Variants in NCKAP5 observed in about 807,000 individuals in gnomAD.
NCKAP5 encodes the protein NCK associated protein 5, also known as nck-associated protein 5.
NCKAP5 carries 92 observed loss-of-function variants against 167.0 expected under a neutral mutation model. The ratio of observed to expected loss-of-function variants is 0.55; its 90% CI spans 0.47 to 0.66. The LOEUF is 0.66. NCKAP5 is among the 30% of genes least tolerant of loss of function. NCKAP5 has a pLI of 0.00. For synonymous variants in NCKAP5, 891 were observed against 877.4 expected, an observed-to-expected ratio of 1.02 and a Z score of -0.27; for missense variants, 2,378 against 2,315.0, an observed-to-expected ratio of 1.03 and a Z score of -0.56.
At chr2:133,664,232 C>A in the NCKAP5 span, among the ~76,000 whole-genome samples, 2 of 152,002 alleles carry the variant, frequency 1.3e-5, no homozygotes, top group Admixed American at 6.6e-5. Context: ...TAAACAGATA[C>A]ACTGTCATTC....
chr2:133,620,272 C>T, the NCKAP5 span, among the ~76,000 whole-genome samples: 2 of 151,988 alleles, frequency 1.3e-5, no homozygotes, highest in Non-Finnish European at 2.9e-5. Flanking sequence ...CTAAATGCTC[C>T]ACTTAAAAGA....
intron 5 of NCKAP5, among the ~76,000 whole-genome samples, chr2:133,205,842 C>A (rs1326742475): frequency 6.6e-6 from 1 of 151,760 alleles, no homozygotes; most frequent in Non-Finnish European, 1.5e-5. Context: ...TCCTATATGC[C>A]TTTTTTACTA....
intron 11 of NCKAP5, among the ~76,000 whole-genome samples, chr2:132,826,780 A>T (rs1014402152): frequency 6.6e-6 from 1 of 152,166 alleles, no homozygotes; most frequent in Non-Finnish European, 1.5e-5. Flanking sequence ...AAAATAGGAC[A>T]TCCTGGGTTT....
At chr2:132,864,748 T>A (rs1312249748) in intron 10 of NCKAP5, among the ~76,000 whole-genome samples, 1 of 152,202 alleles carries the variant, frequency 6.6e-6, no homozygotes, top group Admixed American at 6.5e-5. Context: ...CATTGAAAAC[T>A]ATTTAAATCT....
intron 4 of NCKAP5, among the ~76,000 whole-genome samples, chr2:133,231,535 C>T (rs1354372923): frequency 6.6e-6 from 1 of 152,166 alleles, no homozygotes; most frequent in African/African-American, 2.4e-5. Flanking sequence ...AGATATAACA[C>T]AGACAGCAAG....
chr2:133,420,193 T>C (rs942858511), intron 3 of NCKAP5, among the ~76,000 whole-genome samples: 1 of 152,254 alleles, frequency 6.6e-6, no homozygotes, highest in African/African-American at 2.4e-5. Context: ...GCATTATTTA[T>C]AATAGCCAAA....
In NCKAP5 at chr2:132,782,491, G is replaced by T; in HGVS notation, c.4320C>A (p.Ser1440Arg). ...RTQHPSTFET[S>R]STSKLETSGR... Reference sequence around the variant, plus strand: ...CAGAAGTTTCTAGCTTGGATGTACTGCTTGTTTCAAAAGTGCTTGGATGCT... The same window carrying T: ...CAGAAGTTTCTAGCTTGGATGTACTTCTTGTTTCAAAAGTGCTTGGATGCT... The change falls in exon 14 of 20, where the codon AGC becomes AGA. Residue 1440 changes from serine (S) to arginine (R), a missense_variant. Ser to Arg is a moderately radical substitution (Grantham distance 110). Coordinates refer to ENST00000409261, the MANE Select transcript of NCKAP5 (RefSeq NM_207363.3). 1 of 1,610,022 alleles carries T rather than the reference G, an allele frequency of 6.2e-7. No individual in the cohort carries two copies. The highest frequency in any genetic ancestry group is 8.5e-7 in the Non-Finnish European group (1 of 1,178,212).
At position 133,539,772 on chromosome 2, in the gene NCKAP5, T is replaced by C. The variant is rs542194406; in HGVS notation, c.-62+19278A>G. Among the ~76,000 whole-genome samples the C allele has an allele frequency of 2.0e-5, 3 of 152,214 alleles. No homozygotes were observed. In the South Asian group the frequency reaches 6.2e-4, roughly 32 times the overall value. ...AAAAGTTGAAGAGAAAAAATATCCA[T>C]TCAAAGTCTCCAAAATGTATCCAAG... On this transcript the variant is annotated intron_variant, in intron 2 of 19. Transcript: ENST00000409261.
At chr2:132,928,582 T>C (rs141056185) in intron 8 of NCKAP5, among the ~76,000 whole-genome samples, 2,447 of 152,318 alleles carry the variant, frequency 0.016, 39 homozygotes, top group Non-Finnish European at 0.024. Flanking sequence ...AAGGCAGTCA[T>C]GTTAACATCT....
chr2:133,060,633 T>C (rs974408664), intron 6 of NCKAP5, among the ~76,000 whole-genome samples: 1 of 152,214 alleles, frequency 6.6e-6, no homozygotes, highest in African/African-American at 2.4e-5. Context: ...TCTGAAGTAG[T>C]AAAATTGAAT....
chr2:132,861,779 T>C (rs1445815494), intron 10 of NCKAP5, among the ~76,000 whole-genome samples: 4 of 152,208 alleles, frequency 2.6e-5, no homozygotes, highest in African/African-American at 9.6e-5. Flanking sequence ...ACGGTTAGCA[T>C]ATATTACTCT....
intron 2 of NCKAP5, among the ~76,000 whole-genome samples, chr2:133,555,764 C>A (rs890902113): frequency 3.3e-5 from 5 of 152,170 alleles, no homozygotes; most frequent in Non-Finnish European, 7.3e-5. Flanking sequence ...AGCAATTACA[C>A]AAGCACTCTT....
chr2:132,873,556 G>A (rs574289994), intron 9 of NCKAP5, among the ~76,000 whole-genome samples: 1 of 152,264 alleles, frequency 6.6e-6, no homozygotes, highest in Non-Finnish European at 1.5e-5. Context: ...CATTTACTTT[G>A]TGAAACAATC....
intron 5 of NCKAP5, among the ~76,000 whole-genome samples, chr2:133,186,163 A>G (rs937258265): frequency 6.6e-6 from 1 of 152,018 alleles, no homozygotes; most frequent in African/African-American, 2.4e-5. Flanking sequence ...GAGGGTTTTT[A>G]TCATGAAGTG....
intron 1 of NCKAP5, among the ~76,000 whole-genome samples, chr2:133,559,966 G>A (rs1456946318): frequency 6.6e-6 from 1 of 152,128 alleles, no homozygotes; most frequent in South Asian, 2.1e-4. Flanking sequence ...TCAATAAGAA[G>A]ATAAAAGAAA....
At chr2:133,319,241 C>G (rs1681856730) in intron 3 of NCKAP5, among the ~76,000 whole-genome samples, 2 of 137,714 alleles carry the variant, frequency 1.5e-5, no homozygotes, top group Non-Finnish European at 1.5e-5. Context: ...ATGAACAATT[C>G]AAGGTTTCTT....
At chr2:133,422,353 C>CTTG (rs757776651) in intron 3 of NCKAP5, among the ~76,000 whole-genome samples, 2 of 152,202 alleles carry the variant, frequency 1.3e-5, no homozygotes, top group Admixed American at 6.5e-5. Context: ...GCAGCCCTTT[C>CTTG]TTGTTGTTGT....
At chr2:133,599,302 G>A in the NCKAP5 span, among the ~76,000 whole-genome samples, 2 of 152,200 alleles carry the variant, frequency 1.3e-5, no homozygotes, top group Non-Finnish European at 2.9e-5. Flanking sequence ...TAATTGTGAG[G>A]TCCTTGCAGG....
chr2:133,242,091 C>T (rs2087734751), intron 4 of NCKAP5, among the ~76,000 whole-genome samples: 1 of 145,052 alleles, frequency 6.9e-6, no homozygotes, highest in Admixed American at 6.9e-5. Context: ...TGCACTCCAG[C>T]CTGGGCAACA....
Sources: allele counts gnomAD v4.1 joint callset (sites outside exome capture counted in the v4.1 genomes callset), GRCh38; gene constraint gnomAD v4.1.1; transcripts MANE v1.5; gene names NCBI Gene and HGNC (gene_info 2026-07-23, HGNC 2026-07-21).